Variants in PLEKHS1 observed in about 807,000 individuals in gnomAD.
PLEKHS1 encodes the protein pleckstrin homology domain containing S1.
PLEKHS1 carries 55 observed loss-of-function variants against 51.0 expected under a neutral mutation model. The ratio of observed to expected loss-of-function variants is 1.08; its 90% confidence interval spans 0.87 to 1.35. PLEKHS1 has a LOEUF of 1.35. Ranked by LOEUF, PLEKHS1 falls within the 40% of genes most tolerant of loss-of-function variation. The pLI is 0.00. For synonymous variants in PLEKHS1, 153 were observed against 144.8 expected (o/e 1.06, Z -0.41); for missense variants, 398 against 423.0 (o/e 0.94, Z 0.52).
rs1564822498 is a variant in PLEKHS1 at position 113,768,830 on chromosome 10, CT to C, written c.376del (p.Trp126GlyfsTer12). The C allele has an allele frequency of 3.7e-6, 6 of 1,613,618 alleles. No individual in the cohort carries two copies. Among genetic ancestry groups the C allele is most frequent in the Non-Finnish European group, 4.2e-6 (5 of 1,179,814 alleles). On this transcript the variant is annotated frameshift_variant, in exon 6 of 12. Coordinates refer to ENST00000361048, the Ensembl canonical transcript of PLEKHS1. LOFTEE classifies it high-confidence loss of function. The stretch of plus-strand genomic sequence containing the variant: ...CTGTCAACAGGGAGAAGATTAAAGA[CT>C]GGGTCTCCTTCATGTCATCATTTCG...
chr10:113,779,569 CAAA>C (rs566568556), intron 11 of PLEKHS1, among the ~76,000 whole-genome samples: 4 of 111,570 alleles, frequency 3.6e-5, no homozygotes, highest in African/African-American at 6.6e-5. Flanking sequence ...GACTCTGTCT[CAAA>C]AAAAAAAAAA....
At chr10:113,777,907 T>C (rs1348752772) in intron 11 of PLEKHS1, 8 of 631,456 alleles carry the variant, frequency 1.3e-5, no homozygotes, top group East Asian at 4.2e-5. Flanking sequence ...GGAGAATCAA[T>C]TGAGCCCAGG....
intron 2 of PLEKHS1, among the ~76,000 whole-genome samples, chr10:113,757,041 G>C (rs543001440): frequency 6.8e-6 from 1 of 146,684 alleles, no homozygotes; most frequent in African/African-American, 2.5e-5. Context: ...TCAGCCTCCC[G>C]AGTAGCTAGG....
At chr10:113,765,413 CT>C (rs754456384) in intron 2 of PLEKHS1, 33 of 779,286 alleles carry the variant, frequency 4.2e-5, no homozygotes, top group African/African-American at 3.5e-4. Context: ...TTTTCTGAAT[CT>C]CTGATGTATT....
chr10:113,778,303 A>G (rs1328762732), intron 11 of PLEKHS1, among the ~76,000 whole-genome samples: 3 of 152,116 alleles, frequency 2.0e-5, no homozygotes, highest in African/African-American at 7.2e-5. Context: ...GCTTACATTT[A>G]TCTTTTATCT....
At chr10:113,774,359 T>G (rs746279336) in intron 9 of PLEKHS1, 26 bp downstream of exon 9, 1 of 1,370,238 alleles carries the variant, frequency 7.3e-7, no homozygotes, top group Admixed American at 2.3e-5. Flanking sequence ...GTTTCAAAAT[T>G]TGATGTTTGC....
At chr10:113,775,440 G>C (rs1417365661) in intron 10 of PLEKHS1, among the ~76,000 whole-genome samples, 1 of 152,118 alleles carries the variant, frequency 6.6e-6, no homozygotes, top group Non-Finnish European at 1.5e-5. Context: ...AGAGCATTTG[G>C]TACGATTGAT....
At chr10:113,778,736 C>G (rs1051537332) in intron 11 of PLEKHS1, among the ~76,000 whole-genome samples, 1 of 150,618 alleles carries the variant, frequency 6.6e-6, no homozygotes, top group African/African-American at 2.4e-5. Context: ...CTCCGCCTGC[C>G]GGGTTCACAC....
At chr10:113,755,150 T>C (rs1280554241) in intron 1 of PLEKHS1, 109 bp from the exon 2 acceptor site, 49 of 1,240,732 alleles carry the variant, frequency 3.9e-5, no homozygotes, top group Non-Finnish European at 1.1e-6. Context: ...ACAACCCATC[T>C]CAGCAACATT....
chr10:113,766,820 C>T (rs1374979172), intron 4 of PLEKHS1, 102 bp downstream of exon 4: 25 of 860,358 alleles, frequency 2.9e-5, no homozygotes, highest in Middle Eastern at 2.3e-4. Context: ...ACCAAAGGAA[C>T]CTGCTTCAAG....
exon 12 of PLEKHS1, chr10:113,781,973 G>C (rs1351280155): frequency 6.6e-6 from 1 of 152,288 alleles, no homozygotes; most frequent in East Asian, 1.9e-4. Flanking sequence ...GCCAAGATCA[G>C]CTTGCTCTAC....
rs925435476 is a variant in PLEKHS1, at chr10:113,766,647, G to C, written c.153G>C (p.Lys51Asn). 9.3e-6 allele frequency: 15 copies of C among 1,612,318 alleles called. No individual in the cohort carries two copies. The highest frequency in any genetic ancestry group is 1.2e-5 in the Non-Finnish European group (14 of 1,179,664). ...AAAAGCGGTTTTTCATCCTGTCAAAGGCTGGGGAAAAGAGCTTTAGTCTTT... is the reference window on the plus strand; with the variant it reads ...AAAAGCGGTTTTTCATCCTGTCAAACGCTGGGGAAAAGAGCTTTAGTCTTT... Residue 51 changes from lysine (K) to asparagine (N), a missense_variant, in exon 4 of 12, where the codon AAG (lysine) becomes AAC (asparagine). Transcript: ENST00000361048.
intron 10 of PLEKHS1, among the ~76,000 whole-genome samples, chr10:113,775,557 T>C (rs1025610978): frequency 6.6e-6 from 1 of 152,196 alleles, no homozygotes; most frequent in Non-Finnish European, 1.5e-5. Flanking sequence ...AGTCCATTTT[T>C]CCCTCTGTTC....
At chr10:113,768,627 G>A (rs1844264032) in intron 5 of PLEKHS1, among the ~76,000 whole-genome samples, 188 bp from the exon 6 acceptor site, 1 of 152,192 alleles carries the variant, frequency 6.6e-6, no homozygotes, top group African/African-American at 2.4e-5. Context: ...TCCTTGCAGA[G>A]GTGGCTGAGC....
chr10:113,766,289 T>A, intron 2 of PLEKHS1, 122 bp from the exon 3 acceptor site: 1 of 636,222 alleles, frequency 1.6e-6, no homozygotes, highest in Non-Finnish European at 2.8e-6. Context: ...ATTATAGGTG[T>A]CCTTTTCCAT....
chr10:113,754,153 G>A (rs568870380), intron 1 of PLEKHS1, among the ~76,000 whole-genome samples: 27 of 152,162 alleles, frequency 1.8e-4, no homozygotes, highest in African/African-American at 6.0e-4. Context: ...ATACACACAC[G>A]TAATTAAAGA....
In PLEKHS1 at chr10:113,769,712, G is replaced by A. The variant is rs566832459; in HGVS notation, c.436-72G>A. 2.8e-5 allele frequency: 26 copies of A among 926,408 alleles called. 1 individual carries two copies. The highest frequency in any genetic ancestry group is 1.6e-4 in the South Asian group (12 of 75,614). 57.4% of individuals were successfully genotyped at this position (926,408 alleles called of 1,614,324 possible). The stretch of plus-strand genomic sequence containing the variant: ...GGAAAAGACAGGAGGCAAGGAGCCC[G>A]GTAGAGAGGCTGCCGTTTCATTCCA... On this transcript the variant is annotated intron_variant, in intron 6 of 11. Coordinates refer to ENST00000361048, the Ensembl canonical transcript of PLEKHS1.
chr10:113,765,086 T>A, intron 2 of PLEKHS1: 1 of 328,940 alleles, frequency 3.0e-6, no homozygotes, highest in East Asian at 5.0e-5. Context: ...TTGATCATGT[T>A]TTCCTTCCTC....
At chr10:113,752,884 A>C (rs924197486) in intron 1 of PLEKHS1, among the ~76,000 whole-genome samples, 2 of 152,188 alleles carry the variant, frequency 1.3e-5, no homozygotes, top group Non-Finnish European at 2.9e-5. Context: ...GTCCATGAGC[A>C]TGAATGTGGT....
Sources: allele counts gnomAD v4.1 joint callset (sites outside exome capture counted in the v4.1 genomes callset), GRCh38; gene constraint gnomAD v4.1.1; transcripts MANE v1.5; gene names NCBI Gene and HGNC (gene_info 2026-07-23, HGNC 2026-07-21).